Variants in ALG9 observed in about 807,000 individuals in gnomAD.
ALG9 encodes ALG9 alpha-1,2-mannosyltransferase, also known as alpha-1,2-mannosyltransferase ALG9.
ALG9 carries 55 observed loss-of-function variants against 81.8 expected under a neutral mutation model. That is an observed-to-expected ratio of 0.67 (90% CI 0.54 to 0.84). ALG9 has a LOEUF of 0.84. ALG9 is among the 40% of genes least tolerant of loss of function. ALG9 has a pLI of 0.00. For synonymous variants in ALG9, 278 were observed against 274.3 expected (o/e 1.01, Z -0.13); for missense variants, 629 against 745.0 (o/e 0.84, Z 1.81).
chr11:111,799,442 A>C, intron 14 of ALG9, among the ~76,000 whole-genome samples: 1 of 138,494 alleles, frequency 7.2e-6, no homozygotes, highest in African/African-American at 2.7e-5. Context: ...TGCCCGGCTG[A>C]TTCCTTTTTT....
chr11:111,796,667 T>C (rs1195677690), intron 14 of ALG9, among the ~76,000 whole-genome samples: 1 of 151,932 alleles, frequency 6.6e-6, no homozygotes, highest in Non-Finnish European at 1.5e-5. Context: ...TGGGAGAATA[T>C]GAGGAGGAAA....
intron 8 of ALG9, among the ~76,000 whole-genome samples, chr11:111,852,084 T>G (rs1426855831): frequency 6.6e-6 from 1 of 152,202 alleles, no homozygotes; most frequent in Non-Finnish European, 1.5e-5. Flanking sequence ...TTCAATCTGT[T>G]GGTTCTATTG....
the ALG9 span, among the ~76,000 whole-genome samples, chr11:111,772,142 G>T: frequency 3.9e-5 from 6 of 152,162 alleles, no homozygotes; most frequent in African/African-American, 1.4e-4. Context: ...GGACAGCCGG[G>T]CAAGGTGGTG....
At chr11:111,772,498 A>C in the ALG9 span, among the ~76,000 whole-genome samples, 1 of 152,230 alleles carries the variant, frequency 6.6e-6, no homozygotes, top group Non-Finnish European at 1.5e-5. Flanking sequence ...TGGAGTCAGG[A>C]AGATGTAGAT....
Position 111,840,796 on chromosome 11 carries a change from G to A in ALG9, c.1032C>T (p.Gly344=). 6.2e-7 allele frequency: 1 copy of A among 1,614,046 alleles called. No homozygotes were observed. The highest frequency in any genetic ancestry group is 8.5e-7 in the Non-Finnish European group (1 of 1,179,968). ...LLQRFHVQNL[G]HPYWLTLAPM... is the part of the protein sequence containing the mutation. ...GAGCCAAGGTAAGCCAATACGGGTG[G>A]CCTAAATTCTGAACTGCAAGACACA... Residue 344 remains glycine (G), a synonymous_variant, in exon 10 of 15, where the codon GGC becomes GGT. Coordinates refer to ENST00000616540, the MANE Select transcript of ALG9 (RefSeq NM_024740.2).
chr11:111,799,050 A>G (rs1222358855), intron 14 of ALG9, among the ~76,000 whole-genome samples: 1 of 152,262 alleles, frequency 6.6e-6, no homozygotes, highest in East Asian at 1.9e-4. Context: ...ATTCACAGAC[A>G]TGTGGAATTC....
intron 13 of ALG9, among the ~76,000 whole-genome samples, chr11:111,818,608 A>C (rs1555100206): frequency 6.6e-6 from 1 of 152,234 alleles, no homozygotes; most frequent in African/African-American, 2.4e-5. Context: ...CTGACCTCTT[A>C]AACTAGGACA....
Position 111,868,643 on chromosome 11 carries a change from A to G in ALG9, c.364T>C (p.Trp122Arg). ...RSYAYLLLHAWPAAFHARILQ... is the reference protein window; with the variant it reads ...RSYAYLLLHARPAAFHARILQ... ...ATTCTTGCATGAAATGCAGCTGGCC[A>G]GGCATGAAGCAACAGGTAAGCATAG... The change falls in exon 3 of 15, where the codon TGG becomes CGG. Residue 122 changes from tryptophan to arginine, a missense_variant. Transcript: ENST00000616540. 7 of 1,614,058 alleles carry G rather than the reference A, an allele frequency of 4.3e-6. No homozygotes were observed. The highest frequency in any genetic ancestry group is 5.9e-6 in the Non-Finnish European group (7 of 1,179,896).
Position 111,783,011 on chromosome 11 carries a change from C to CA in ALG9, c.*3385dup, listed in dbSNP as rs1439430363. The CA allele has an allele frequency of 2.6e-5, 4 of 152,144 alleles. No homozygotes were observed. The highest frequency in any genetic ancestry group is 6.5e-5 in the Admixed American group (1 of 15,278). The allele number at this position is 152,144 out of a possible 1,614,324, so 9.4% of individuals were successfully genotyped here. A position where few individuals can be genotyped will look rare whatever the true frequency, so the allele number is the denominator to read the frequency against. ...CCAGGTAGGAGGTAAATTTTGGTAG[C>CA]AGATGCCTACCGTGCAGACTGGTTC... On this transcript the variant is annotated 3_prime_UTR_variant, in exon 15 of 15. Transcript: ENST00000616540.
At chr11:111,777,998 A>C (rs1945743104), downstream of ALG9, among the ~76,000 whole-genome samples, 1 of 152,280 alleles carries the variant, frequency 6.6e-6, no homozygotes. Flanking sequence ...GACCAGAAGC[A>C]GACTAACAAA....
intron 8 of ALG9, among the ~76,000 whole-genome samples, chr11:111,849,132 G>C (rs1236635861): frequency 6.6e-6 from 1 of 151,762 alleles, no homozygotes; most frequent in Non-Finnish European, 1.5e-5. Context: ...CTCACTGCAA[G>C]CTCTGCCTCC....
intron 13 of ALG9, among the ~76,000 whole-genome samples, chr11:111,809,985 G>C (rs1950478356): frequency 6.6e-6 from 1 of 152,154 alleles, no homozygotes; most frequent in South Asian, 2.1e-4. Flanking sequence ...GTAAGCTTTG[G>C]CTGGTCTGAT....
At position 111,870,266 on chromosome 11, in the gene ALG9, G is replaced by A. The variant is rs1963868477; in HGVS notation, c.236C>T (p.Ser79Phe). ...RLCAALLSNI[S>F]DCDETFNYWE... ...GTAGTTGAATGTTTCATCACAGTCAGAGATGTTGCTCAGGAGAGCAGCACA... is the reference window on the plus strand; with the variant it reads ...GTAGTTGAATGTTTCATCACAGTCAAAGATGTTGCTCAGGAGAGCAGCACA... Residue 79 changes from serine to phenylalanine, a missense_variant, in exon 2 of 15, where the codon TCT becomes TTT. Transcript: ENST00000616540. 6.2e-7 allele frequency: 1 copy of A among 1,611,100 alleles called. No homozygotes were observed. Among genetic ancestry groups the A allele is most frequent in the African/African-American group, 1.3e-5 (1 of 74,618 alleles).
At chr11:111,823,937 A>C (rs1271579890) in intron 13 of ALG9, among the ~76,000 whole-genome samples, 5 of 152,218 alleles carry the variant, frequency 3.3e-5, no homozygotes, top group African/African-American at 1.2e-4. Flanking sequence ...AATTGCAACT[A>C]TTTGTCCCCC....
chr11:111,786,456 T>C lies in ALG9; in HGVS notation c.1798A>G (p.Asn600Asp). The C allele has an allele frequency of 6.2e-7, 1 of 1,614,080 alleles. No homozygotes were observed. The highest frequency in any genetic ancestry group is 8.5e-7 in the Non-Finnish European group (1 of 1,180,008). The change falls in exon 15 of 15, where the codon AAC becomes GAC. Residue 600 changes from asparagine to aspartate, a missense_variant. Transcript: ENST00000616540. Reference protein sequence around the residue: ...FLSDQYTVYVNYTILKPRKAK... With the variant: ...FLSDQYTVYVDYTILKPRKAK... ...TTCCGGGGTTTGAGGATGGTGTAGT[T>C]TACGTACACTGTATACTGATCTGAC...
intron 13 of ALG9, among the ~76,000 whole-genome samples, chr11:111,816,947 C>T (rs1438094275): frequency 6.6e-6 from 1 of 152,060 alleles, no homozygotes; most frequent in African/African-American, 2.4e-5. Flanking sequence ...ATTCAGAGTT[C>T]AGAGAGGATG....
chr11:111,772,960 C>T, the ALG9 span, among the ~76,000 whole-genome samples: 9 of 152,006 alleles, frequency 5.9e-5, no homozygotes, highest in South Asian at 1.5e-3. Context: ...TTATTTAGGC[C>T]GGGTGCGGTG....
chr11:111,820,407 C>A (rs115109839), intron 13 of ALG9, among the ~76,000 whole-genome samples: 1,567 of 152,266 alleles, frequency 0.01, 24 homozygotes, highest in African/African-American at 0.035. Context: ...GGCAGAAGGG[C>A]AAAGACAGGG....
chr11:111,779,768 AAAAAAGGG>A (rs1945829315), downstream of ALG9, among the ~76,000 whole-genome samples: 1 of 152,172 alleles, frequency 6.6e-6, no homozygotes, highest in Non-Finnish European at 1.5e-5. Context: ...AATTCACTGA[AAAAAAGGG>A]AAAAAAAAGC....
Sources: allele counts gnomAD v4.1 joint callset (sites outside exome capture counted in the v4.1 genomes callset), GRCh38; gene constraint gnomAD v4.1.1; transcripts MANE v1.5; gene names NCBI Gene and HGNC (gene_info 2026-07-23, HGNC 2026-07-21).